Variants in PACRG observed in about 807,000 individuals in gnomAD.
PACRG encodes parkin coregulated.
In PACRG, 29 loss-of-function variants were observed where a neutral mutation model predicts 29.7. The observed-to-expected ratio is 0.98, with a 90% CI of 0.73 to 1.33. PACRG has a LOEUF of 1.33. Ranked by LOEUF, PACRG falls within the 40% of genes most tolerant of loss-of-function variation. The probability of loss-of-function intolerance (pLI) is 0.00; values close to 1 mark genes in which losing one functional copy is unlikely to be tolerated. For missense variants in PACRG, 279 were observed against 316.2 expected (o/e 0.88, Z 0.89); for synonymous variants, 116 against 118.7 (o/e 0.98, Z 0.15).
intron 1 of PACRG, among the ~76,000 whole-genome samples, chr6:162,791,688 A>G (rs1170213143): frequency 2.0e-5 from 3 of 152,158 alleles, no homozygotes; most frequent in Non-Finnish European, 4.4e-5. Flanking sequence ...CTTCATATCT[A>G]GATTATTTAA....
At chr6:162,772,073 G>C (rs995411701) in intron 1 of PACRG, among the ~76,000 whole-genome samples, 2 of 152,170 alleles carry the variant, frequency 1.3e-5, no homozygotes, top group African/African-American at 2.4e-5. Flanking sequence ...AGATGGAAGG[G>C]CATGTGCAAA....
chr6:162,761,190 C>A (rs1782328805), intron 1 of PACRG, among the ~76,000 whole-genome samples: 1 of 152,120 alleles, frequency 6.6e-6, no homozygotes, highest in South Asian at 2.1e-4. Context: ...CTCTGTTTAA[C>A]CCAAGCAAAG....
intron 1 of PACRG, among the ~76,000 whole-genome samples, chr6:162,771,651 A>G (rs1783231312): frequency 6.6e-6 from 1 of 152,164 alleles, no homozygotes; most frequent in East Asian, 1.9e-4. Flanking sequence ...ACTGTCAAGA[A>G]AAAAAGAAAT....
chr6:162,912,408 C>T (rs1042523634), intron 2 of PACRG, among the ~76,000 whole-genome samples: 1 of 152,232 alleles, frequency 6.6e-6, no homozygotes, highest in South Asian at 2.1e-4. Flanking sequence ...TGAGGGTCCT[C>T]TACCCTCCCA....
chr6:163,150,696 G>C (rs1470877177), intron 4 of PACRG, among the ~76,000 whole-genome samples: 1 of 152,216 alleles, frequency 6.6e-6, no homozygotes, highest in Non-Finnish European at 1.5e-5. Flanking sequence ...TTTCAGCCCA[G>C]CAATTGTAAC....
intron 2 of PACRG, among the ~76,000 whole-genome samples, chr6:162,901,079 C>T (rs1795528849): frequency 6.6e-6 from 1 of 152,106 alleles, no homozygotes; most frequent in Non-Finnish European, 1.5e-5. Flanking sequence ...ATACATAATA[C>T]AAACAATTTA....
At chr6:162,868,526 G>T (rs1323878633) in intron 2 of PACRG, among the ~76,000 whole-genome samples, 5 of 152,154 alleles carry the variant, frequency 3.3e-5, no homozygotes, top group African/African-American at 1.2e-4. Context: ...CTCCCCTGAG[G>T]AACAGAGGAT....
At chr6:163,209,995 G>A (rs1018952823) in intron 4 of PACRG, among the ~76,000 whole-genome samples, 3 of 152,256 alleles carry the variant, frequency 2.0e-5, no homozygotes, top group Middle Eastern at 3.4e-3. Context: ...ATCAAACCAC[G>A]CCTGTTGGGG....
intron 2 of PACRG, among the ~76,000 whole-genome samples, chr6:162,912,632 C>T (rs183019296): frequency 3.4e-4 from 50 of 146,678 alleles, no homozygotes; most frequent in Non-Finnish European, 3.6e-4. Flanking sequence ...AGTGCAGTGG[C>T]GCAATCTCAG....
At position 163,166,041 on chromosome 6, in the gene PACRG, T is replaced by C. The variant is rs921147371; in HGVS notation, c.613+76633T>C. ...TGCCCACAAGCGCCCCGATTTCATC[T>C]AAATCCGAGTGTAATGAAAGACAGA... On this transcript the variant is annotated intron_variant, in intron 4 of 4. Transcript: ENST00000366888. 3 of 452,768 alleles carry C rather than the reference T, an allele frequency of 6.6e-6. No homozygotes were observed. The East Asian group carries it at 2.1e-4, about 32-fold the overall frequency. 28.0% of individuals were successfully genotyped at this position (452,768 alleles called of 1,614,324 possible).
intron 2 of PACRG, among the ~76,000 whole-genome samples, chr6:162,936,426 T>A (rs964486616): frequency 2.6e-5 from 4 of 152,206 alleles, no homozygotes; most frequent in African/African-American, 9.7e-5. Context: ...CATGATATGT[T>A]TTTGGTAAGG....
intron 2 of PACRG, among the ~76,000 whole-genome samples, chr6:163,008,283 C>T (rs1805308280): frequency 6.6e-6 from 1 of 152,110 alleles, no homozygotes; most frequent in African/African-American, 2.4e-5. Context: ...GAGACACTTT[C>T]TCAGCACATA....
intron 2 of PACRG, among the ~76,000 whole-genome samples, chr6:162,949,647 T>G (rs1345104724): frequency 3.3e-5 from 5 of 152,134 alleles, no homozygotes; most frequent in South Asian, 4.1e-4. Context: ...AAACTGTGTA[T>G]GAAAAAATTT....
rs534192210 is a variant in PACRG at position 162,968,815 on chromosome 6, G to A, written c.292-93335G>A. Among the ~76,000 whole-genome samples the A allele has an allele frequency of 4.6e-5, 7 of 152,238 alleles. No individual in the cohort carries two copies. In the South Asian group the frequency reaches 1.5e-3, roughly 32 times the overall value. On this transcript the variant is annotated intron_variant, in intron 2 of 4. Coordinates refer to ENST00000366888, the MANE Select transcript of PACRG (RefSeq NM_001080379.2). ...TGTAATCCCAGCACTTTGGGAGGCTGAGGTGGGTGGATCACAAGGTCAGGA... is the reference window on the plus strand; with the variant it reads ...TGTAATCCCAGCACTTTGGGAGGCTAAGGTGGGTGGATCACAAGGTCAGGA...
intron 1 of PACRG, among the ~76,000 whole-genome samples, chr6:162,792,832 G>A (rs1436727728): frequency 6.6e-6 from 1 of 152,176 alleles, no homozygotes; most frequent in African/African-American, 2.4e-5. Context: ...TGATGAGGTG[G>A]CAGAGATGAT....
At chr6:162,769,012 C>T (rs10806765) in intron 1 of PACRG, among the ~76,000 whole-genome samples, 26,598 of 152,030 alleles carry the variant, frequency 0.17, 3,021 homozygotes, top group East Asian at 0.48. Flanking sequence ...GCCCATTTTT[C>T]TGTCTTAATC....
At chr6:163,163,005 T>C (rs1051044986) in intron 4 of PACRG, among the ~76,000 whole-genome samples, 1 of 152,220 alleles carries the variant, frequency 6.6e-6, no homozygotes, top group Non-Finnish European at 1.5e-5. Context: ...TCGATCAGCC[T>C]GGCTGCTAAT....
intron 2 of PACRG, among the ~76,000 whole-genome samples, chr6:162,953,697 C>A (rs796353112): frequency 4.0e-5 from 6 of 151,400 alleles, no homozygotes; most frequent in African/African-American, 1.5e-4. Context: ...CCTAACCCCC[C>A]CACACTTTCT....
intron 4 of PACRG, among the ~76,000 whole-genome samples, chr6:163,124,705 C>T (rs1816444319): frequency 6.6e-6 from 1 of 152,172 alleles, no homozygotes; most frequent in South Asian, 2.1e-4. Flanking sequence ...GAAGAGGCTG[C>T]AGTTCGGCAC....
Sources: gnomAD v4.1 joint callset for allele counts (sites outside exome capture counted in the v4.1 genomes callset) on GRCh38, gnomAD v4.1.1 for gene constraint, MANE v1.5 for transcripts, NCBI Gene and HGNC (gene_info 2026-07-23, HGNC 2026-07-21) for gene names.